NDUFAF6: variants seen among roughly 807,000 people sequenced by gnomAD.
NDUFAF6 encodes NADH dehydrogenase (ubiquinone) complex I, assembly factor 6.
Under a neutral mutation model 40.8 loss-of-function variants are expected in NDUFAF6, and 45 were observed. The ratio of observed to expected loss-of-function variants is 1.10; its 90% confidence interval spans 0.87 to 1.42. NDUFAF6 has a LOEUF of 1.42. NDUFAF6 is among the 40% of genes most tolerant of loss of function. The pLI, the probability that NDUFAF6 is intolerant of heterozygous loss-of-function variation, is 0.00. For synonymous variants in NDUFAF6, 185 were observed against 155.9 expected, an observed-to-expected ratio of 1.19 and a Z score of -1.39; for missense variants, 435 against 418.5, an observed-to-expected ratio of 1.04 and a Z score of -0.34.
intron 1 of NDUFAF6, among the ~76,000 whole-genome samples, chr8:94,962,776 C>CA (rs1457551385): frequency 8.8e-5 from 13 of 147,746 alleles, no homozygotes; most frequent in Non-Finnish European, 1.8e-4. Flanking sequence ...ACCTGGCCTC[C>CA]AAACTCCTTT....
chr8:94,951,938 C>T (rs563654917), intron 2 of NDUFAF6, among the ~76,000 whole-genome samples: 1 of 152,224 alleles, frequency 6.6e-6, no homozygotes, highest in Non-Finnish European at 1.5e-5. Context: ...TTCATCTGTT[C>T]ACTGACAAAG....
chr8:94,902,580 T>G (rs1253445891), intron 1 of NDUFAF6, among the ~76,000 whole-genome samples: 1 of 152,214 alleles, frequency 6.6e-6, no homozygotes, highest in East Asian at 1.9e-4. Context: ...TGTTGCTTAG[T>G]ATTCCATTGT....
intron 1 of NDUFAF6, among the ~76,000 whole-genome samples, chr8:94,970,592 A>G (rs1824389173): frequency 6.7e-6 from 1 of 148,418 alleles, no homozygotes; most frequent in Admixed American, 6.7e-5. Context: ...TCTCTAAAAA[A>G]AAATTAAAAA....
At chr8:95,117,504 A>T (rs1470311617), downstream of NDUFAF6, among the ~76,000 whole-genome samples, 1 of 152,208 alleles carries the variant, frequency 6.6e-6, no homozygotes, top group African/African-American at 2.4e-5. Context: ...TAGTGAGTAG[A>T]TGAATGCCTG....
chr8:95,005,526 A>AATATATAT (rs760333438), intron 2 of NDUFAF6, among the ~76,000 whole-genome samples: 81 of 7,268 alleles, frequency 0.011, no homozygotes, highest in East Asian at 0.038. Context: ...GGTCCTTTTA[A>AATATATAT]ATATATATAT....
intron 2 of NDUFAF6, among the ~76,000 whole-genome samples, chr8:94,991,121 T>C (rs1178585333): frequency 1.3e-5 from 2 of 152,200 alleles, no homozygotes; most frequent in Non-Finnish European, 2.9e-5. Context: ...AGATCATCTT[T>C]CCATCCCCTC....
At chr8:95,106,929 A>G (rs1032234860), downstream of NDUFAF6, among the ~76,000 whole-genome samples, 1 of 152,236 alleles carries the variant, frequency 6.6e-6, no homozygotes. Context: ...CAAAACCACA[A>G]TGAGATACCA....
intron 2 of NDUFAF6, among the ~76,000 whole-genome samples, chr8:95,087,262 G>GGT (rs895510514): frequency 6.6e-6 from 1 of 152,080 alleles, no homozygotes; most frequent in African/African-American, 2.4e-5. Context: ...TTCCTGCAGT[G>GGT]GTTTTCCCTC....
chr8:94,930,331 T>G (rs1820266825), intron 1 of NDUFAF6: 2 of 1,150,670 alleles, frequency 1.7e-6, no homozygotes, highest in South Asian at 3.1e-5. Context: ...ATAAATCTGA[T>G]TTTCAAGATA....
chr8:95,036,329 A>G (rs527984042), intron 3 of NDUFAF6: 182 of 1,287,576 alleles, frequency 1.4e-4, no homozygotes, highest in Non-Finnish European at 1.8e-4. Context: ...TTTCTGTAAC[A>G]GGAGCCACCC....
chr8:95,010,158 G>A (rs973881853), intron 2 of NDUFAF6, among the ~76,000 whole-genome samples: 2 of 151,986 alleles, frequency 1.3e-5, no homozygotes. Flanking sequence ...GCTCCATCTC[G>A]GCTCACTGTA....
At chr8:95,103,089 T>C (rs1396274831) in exon 3 of NDUFAF6, 2 of 152,212 alleles carry the variant, frequency 1.3e-5, no homozygotes, top group Non-Finnish European at 2.9e-5. Context: ...CCCCCAGCAT[T>C]ATGCCAGATT....
intron 1 of NDUFAF6, among the ~76,000 whole-genome samples, chr8:94,924,676 G>A (rs1819740727): frequency 6.6e-6 from 1 of 152,182 alleles, no homozygotes; most frequent in Admixed American, 6.5e-5. Context: ...CACTCTGTAA[G>A]TGGGCCTAGC....
intron 2 of NDUFAF6, among the ~76,000 whole-genome samples, chr8:94,947,683 G>T (rs1009980934): frequency 6.6e-6 from 1 of 152,206 alleles, no homozygotes; most frequent in South Asian, 2.1e-4. Context: ...ACCCCTGTCT[G>T]CCCCTAAGGC....
chr8:95,036,393 GC>G, intron 3 of NDUFAF6: 1 of 1,289,398 alleles, frequency 7.8e-7, no homozygotes, highest in Non-Finnish European at 1.0e-6. Context: ...GCAGAGGCAG[GC>G]CCAGTTTCTG....
intron 2 of NDUFAF6, among the ~76,000 whole-genome samples, chr8:94,947,338 C>G (rs1431170362): frequency 6.7e-6 from 1 of 150,090 alleles, no homozygotes; most frequent in Non-Finnish European, 1.5e-5. Context: ...AATCTGTGTA[C>G]AGTTGTGGCT....
chr8:94,955,268 T>C (rs976776834), upstream of NDUFAF6, among the ~76,000 whole-genome samples: 2 of 152,230 alleles, frequency 1.3e-5, no homozygotes, highest in African/African-American at 4.8e-5. Flanking sequence ...GAGATTTATT[T>C]CTTACAGTTG....
upstream of NDUFAF6, among the ~76,000 whole-genome samples, chr8:95,098,567 G>A (rs1261081454): frequency 6.6e-6 from 1 of 152,220 alleles, no homozygotes; most frequent in African/African-American, 2.4e-5. Context: ...CTAGTCAGGG[G>A]GCTGAGGAAG....
At chr8:95,040,398 C>T (rs1830021854) in intron 3 of NDUFAF6, among the ~76,000 whole-genome samples, 1 of 152,130 alleles carries the variant, frequency 6.6e-6, no homozygotes, top group Non-Finnish European at 1.5e-5. Flanking sequence ...ATTCTGCTTG[C>T]AGTAATCAAC....
Sources: allele counts gnomAD v4.1 joint callset (sites outside exome capture counted in the v4.1 genomes callset), GRCh38; gene constraint gnomAD v4.1.1; transcripts MANE v1.5; gene names NCBI Gene and HGNC (gene_info 2026-07-23, HGNC 2026-07-21).